The following GMDS variants were observed in gnomAD, a reference collection of about 807,000 sequenced individuals.
The protein encoded by GMDS is GDP-mannose 4,6-dehydratase, also known as GDP-mannose 4,6 dehydratase.
In GMDS, 20 loss-of-function variants were observed where a neutral mutation model predicts 49.9. The observed-to-expected ratio is 0.40, with a 90% CI of 0.28 to 0.58. The LOEUF (loss-of-function observed/expected upper bound fraction) is 0.58. GMDS is among the 20% of genes least tolerant of loss of function. The pLI is 0.42. For missense variants in GMDS, 362 were observed against 481.4 expected (o/e 0.75, Z 2.32); for synonymous variants, 177 against 178.6 (o/e 0.99, Z 0.07).
chr6:1,740,932 T>A (rs767902912), intron 8 of GMDS, among the ~76,000 whole-genome samples: 26 of 152,326 alleles, frequency 1.7e-4, no homozygotes, highest in Non-Finnish European at 3.1e-4. Context: ...TTTATGTAAC[T>A]CTTGGCCACG....
chr6:2,108,975 C>T (rs1428750774), intron 4 of GMDS, among the ~76,000 whole-genome samples: 1 of 152,168 alleles, frequency 6.6e-6, no homozygotes, highest in Admixed American at 6.5e-5. Context: ...TACATCATAA[C>T]AAGTTAACAT....
chr6:1,846,449 G>A lies in GMDS; in HGVS notation c.771+83654C>T, dbSNP rs112630739. Among the ~76,000 whole-genome samples the A allele has an allele frequency of 1.6e-3, 250 of 152,162 alleles. 1 individual carries two copies. The highest frequency in any genetic ancestry group is 3.8e-3 in the African/African-American group (159 of 41,524). On this transcript the variant is annotated intron_variant, in intron 7 of 10. Transcript: ENST00000380815. Reference sequence around the variant, plus strand: ...CTAAAATTCTCAATATCAATAAAAGGAAACAAAACTACTACAATATTGGGT... The same window carrying A: ...CTAAAATTCTCAATATCAATAAAAGAAAACAAAACTACTACAATATTGGGT...
chr6:1,750,721 G>T (rs533032068), intron 7 of GMDS, among the ~76,000 whole-genome samples: 1 of 152,042 alleles, frequency 6.6e-6, no homozygotes, highest in Non-Finnish European at 1.5e-5. Context: ...CAGTGAGAAA[G>T]AACCGTTCAC....
intron 4 of GMDS, among the ~76,000 whole-genome samples, chr6:2,015,915 G>GT (rs1255185028): frequency 6.6e-6 from 1 of 151,774 alleles, no homozygotes; most frequent in South Asian, 2.1e-4. Flanking sequence ...TCAGTTTATG[G>GT]TTTTTTTCTT....
chr6:2,197,274 C>T (rs1779313821), intron 1 of GMDS, among the ~76,000 whole-genome samples: 1 of 152,198 alleles, frequency 6.6e-6, no homozygotes, highest in African/African-American at 2.4e-5. Flanking sequence ...CCGCCCAGCT[C>T]TCCAAGTGGA....
intron 6 of GMDS, among the ~76,000 whole-genome samples, chr6:1,939,606 CAT>C (rs1170464939): frequency 2.1e-5 from 3 of 146,236 alleles, no homozygotes; most frequent in African/African-American, 2.5e-5. Flanking sequence ...CACATATACA[CAT>C]ACACACACAC....
chr6:2,099,934 A>ACAATACCACTT (rs959102690), intron 4 of GMDS, among the ~76,000 whole-genome samples: 2 of 152,092 alleles, frequency 1.3e-5, no homozygotes, highest in Non-Finnish European at 2.9e-5. Flanking sequence ...ATTGATAAGC[A>ACAATACCACTT]CAATACCACT....
chr6:2,000,267 C>T (rs549839170), intron 4 of GMDS, among the ~76,000 whole-genome samples: 7 of 150,598 alleles, frequency 4.6e-5, no homozygotes, highest in African/African-American at 1.7e-4. Context: ...CATCTCCTGA[C>T]CTTGTGATCC....
intron 4 of GMDS, among the ~76,000 whole-genome samples, chr6:2,103,806 T>C (rs1262588498): frequency 6.6e-6 from 1 of 152,350 alleles, no homozygotes. Flanking sequence ...ATGATGACTG[T>C]CATCTTTTAT....
At chr6:1,866,140 T>A (rs1758431597) in intron 7 of GMDS, among the ~76,000 whole-genome samples, 1 of 152,312 alleles carries the variant, frequency 6.6e-6, no homozygotes, top group South Asian at 2.1e-4. Context: ...GCTGATGCCA[T>A]CAGGCAGCAA....
At chr6:2,170,245 T>C (rs1196379368) in intron 1 of GMDS, among the ~76,000 whole-genome samples, 1 of 151,942 alleles carries the variant, frequency 6.6e-6, no homozygotes, top group African/African-American at 2.4e-5. Flanking sequence ...AGGATTCGAC[T>C]TTCTCCATGC....
chr6:1,698,444 A>C (rs1317254787), intron 9 of GMDS, among the ~76,000 whole-genome samples: 1 of 152,194 alleles, frequency 6.6e-6, no homozygotes, highest in African/African-American at 2.4e-5. Context: ...CCCTGCAAAT[A>C]GGGGCAGCAG....
At chr6:2,176,087 A>G in intron 1 of GMDS, 2 of 998,432 alleles carry the variant, frequency 2.0e-6, no homozygotes, top group South Asian at 3.1e-5. Context: ...CACACTGACA[A>G]CATGTAATTC....
chr6:2,061,738 A>AT (rs1467761859), intron 4 of GMDS, among the ~76,000 whole-genome samples: 1 of 151,318 alleles, frequency 6.6e-6, no homozygotes, highest in African/African-American at 2.4e-5. Context: ...AAAAAAAAAA[A>AT]AAAAATCTGA....
chr6:1,805,034 T>A (rs1174717744), intron 7 of GMDS, among the ~76,000 whole-genome samples: 1 of 152,216 alleles, frequency 6.6e-6, no homozygotes, highest in African/African-American at 2.4e-5. Context: ...TATCTTACCA[T>A]CTATAACAGA....
At chr6:1,733,628 G>A (rs922590953) in intron 8 of GMDS, among the ~76,000 whole-genome samples, 1 of 152,196 alleles carries the variant, frequency 6.6e-6, no homozygotes, top group Non-Finnish European at 1.5e-5. Flanking sequence ...ACTAGTCGGG[G>A]CAACATGGTG....
chr6:2,111,970 A>T (rs1174797925), intron 4 of GMDS, among the ~76,000 whole-genome samples: 3 of 152,200 alleles, frequency 2.0e-5, no homozygotes, highest in Non-Finnish European at 4.4e-5. Flanking sequence ...ACACAGCAGC[A>T]TGCTGCCAGC....
chr6:1,717,134 CTTTGCCAGCACCTTGATTTAGCTCAGTG>C, intron 9 of GMDS, among the ~76,000 whole-genome samples: 1 of 152,344 alleles, frequency 6.6e-6, no homozygotes, highest in East Asian at 1.9e-4. Context: ...AGGAAGGTGG[CTTTGCCAGCACCTTGATTTAGCTCAGTG>C]GGACTCCATT....
chr6:1,844,036 A>G (rs1757272139), intron 7 of GMDS, among the ~76,000 whole-genome samples: 1 of 152,186 alleles, frequency 6.6e-6, no homozygotes, highest in African/African-American at 2.4e-5. Flanking sequence ...GTGAGGATAT[A>G]AGTAATCACA....
Sources: gnomAD v4.1 joint callset for allele counts (sites outside exome capture counted in the v4.1 genomes callset) on GRCh38, gnomAD v4.1.1 for gene constraint, MANE v1.5 for transcripts, NCBI Gene and HGNC (gene_info 2026-07-23, HGNC 2026-07-21) for gene names.